The following RORA variants were observed in gnomAD, a reference collection of about 807,000 sequenced individuals.
The protein encoded by RORA is RAR related orphan receptor A.
In RORA, 7 loss-of-function variants were observed where a neutral mutation model predicts 69.5. The observed-to-expected ratio is 0.10, with a 90% CI of 0.06 to 0.19. RORA has a LOEUF of 0.19. Ranked by LOEUF, RORA falls within the 10% of genes least tolerant of loss-of-function variation. RORA has a pLI of 1.00. For synonymous variants in RORA, 261 were observed against 240.8 expected (o/e 1.08, Z -0.78); for missense variants, 457 against 663.0 (o/e 0.69, Z 3.41).
intron 1 of RORA, among the ~76,000 whole-genome samples, chr15:60,833,277 G>A (rs1212139503): frequency 6.6e-6 from 1 of 151,572 alleles, no homozygotes; most frequent in Non-Finnish European, 1.5e-5. Context: ...GTGCAGTGGT[G>A]CTATCTTCAC....
chr15:60,739,321 C>A (rs1252629649), intron 1 of RORA, among the ~76,000 whole-genome samples: 1 of 152,054 alleles, frequency 6.6e-6, no homozygotes, highest in Non-Finnish European at 1.5e-5. Context: ...ATCTGTAATC[C>A]CAGCACTTTG....
At chr15:61,150,774 T>G (rs759494674) in intron 1 of RORA, among the ~76,000 whole-genome samples, 1 of 152,168 alleles carries the variant, frequency 6.6e-6, no homozygotes, top group South Asian at 2.1e-4. Context: ...ACTATACTTT[T>G]CTCTTGTTCT....
chr15:60,654,729 G>A (rs758567022), intron 2 of RORA, among the ~76,000 whole-genome samples: 14 of 152,212 alleles, frequency 9.2e-5, no homozygotes, highest in Non-Finnish European at 1.5e-4. Context: ...AAACACAGAA[G>A]GTGATGTGAC....
chr15:61,025,117 C>T (rs1190131959), intron 1 of RORA, among the ~76,000 whole-genome samples: 1 of 152,138 alleles, frequency 6.6e-6, no homozygotes, highest in Non-Finnish European at 1.5e-5. Context: ...CCCATGCCTC[C>T]GTGACCCAAA....
chr15:61,040,290 G>A (rs974070938), intron 1 of RORA, among the ~76,000 whole-genome samples: 2 of 151,138 alleles, frequency 1.3e-5, no homozygotes, highest in Non-Finnish European at 3.0e-5. Flanking sequence ...CAAATGAGGT[G>A]AAAAAGCAAA....
At chr15:60,575,937 C>T (rs2068012303) in intron 2 of RORA, among the ~76,000 whole-genome samples, 1 of 152,202 alleles carries the variant, frequency 6.6e-6, no homozygotes, top group Non-Finnish European at 1.5e-5. Flanking sequence ...AGTTATTTCT[C>T]TCACCCTTTA....
At chr15:60,823,046 C>T (rs2072912568) in intron 1 of RORA, among the ~76,000 whole-genome samples, 1 of 144,346 alleles carries the variant, frequency 6.9e-6, no homozygotes, top group Non-Finnish European at 1.5e-5. Context: ...CCCTCTCTTT[C>T]TCTCTCCCTC....
chr15:60,531,598 T>C lies in RORA; in HGVS notation c.282+168A>G. Reference sequence around the variant, plus strand: ...TTGAAGGAAGGAGTAAAAATATATATAACTTCTTTAATTGTAATTTAACAC... The same window carrying C: ...TTGAAGGAAGGAGTAAAAATATATACAACTTCTTTAATTGTAATTTAACAC... On this transcript the variant is annotated intron_variant, in intron 3 of 10. Transcript: ENST00000335670. The surrounding 1 kb of genome is among the most constrained non-coding windows in gnomAD (Gnocchi z 4.8). 1.8e-6 allele frequency: 1 copy of C among 540,978 alleles called. No individual in the cohort carries two copies. Among genetic ancestry groups the C allele is most frequent in the Non-Finnish European group, 3.2e-6 (1 of 311,236 alleles). The allele number at this position is 540,978 out of a possible 1,614,324, so 33.5% of individuals were successfully genotyped here. A position where few individuals can be genotyped will look rare whatever the true frequency, so the allele number is the denominator to read the frequency against.
At chr15:60,820,162 C>T (rs1471740183) in intron 1 of RORA, among the ~76,000 whole-genome samples, 2 of 152,236 alleles carry the variant, frequency 1.3e-5, no homozygotes, top group East Asian at 1.9e-4. Context: ...CAAGTCAGGA[C>T]GCTGCACTCC....
chr15:60,546,417 GA>G (rs2067071860), intron 2 of RORA: 1 of 152,142 alleles, frequency 6.6e-6, no homozygotes, highest in South Asian at 2.1e-4. Context: ...ACTTCTCCGG[GA>G]ATGTTGTCAT....
intron 1 of RORA, among the ~76,000 whole-genome samples, chr15:60,923,213 T>C (rs924856141): frequency 2.6e-5 from 4 of 152,180 alleles, no homozygotes; most frequent in African/African-American, 9.7e-5. Flanking sequence ...CTTGTGCTGA[T>C]TCCTTAAAAA....
chr15:61,128,273 A>G lies in RORA; in HGVS notation c.166+100780T>C, dbSNP rs961573176. ...AGGGTATACTTTTAAAGCACTAGAA[A>G]AAAACAGCAAATTGACCGGAGAATT... On this transcript the variant is annotated intron_variant, in intron 1 of 10. Coordinates refer to ENST00000335670, the MANE Select transcript of RORA (RefSeq NM_134261.3). This position sits in a 1 kb window ranked among gnomAD's most constrained non-coding sequence, Gnocchi z 4.5. Among the ~76,000 whole-genome samples the G allele has an allele frequency of 6.6e-6, 1 of 152,126 alleles. No individual in the cohort carries two copies. The highest frequency in any genetic ancestry group is 1.5e-5 in the Non-Finnish European group (1 of 68,024).
At chr15:61,188,078 G>A (rs562804285) in intron 1 of RORA, among the ~76,000 whole-genome samples, 25 of 152,196 alleles carry the variant, frequency 1.6e-4, no homozygotes, top group African/African-American at 6.0e-4. Context: ...TTTAGCAGCT[G>A]GCATATTCCC....
At chr15:61,176,415 A>G (rs985023510) in intron 1 of RORA, 4 of 152,208 alleles carry the variant, frequency 2.6e-5, no homozygotes, top group African/African-American at 4.8e-5. Context: ...AGTAGTTTCC[A>G]TTTCCTGTAC....
chr15:61,087,859 G>A (rs2078647777), intron 1 of RORA, among the ~76,000 whole-genome samples: 1 of 152,224 alleles, frequency 6.6e-6, no homozygotes, highest in Non-Finnish European at 1.5e-5. Context: ...AAATGTTATA[G>A]TTCTTTAAAC....
intron 1 of RORA, among the ~76,000 whole-genome samples, chr15:60,869,587 C>G (rs141909494): frequency 6.6e-6 from 1 of 152,178 alleles, no homozygotes; most frequent in East Asian, 1.9e-4. Flanking sequence ...TCTGATGGCA[C>G]ACAATGTCCG....
At chr15:60,997,761 A>T (rs1220933210) in intron 1 of RORA, among the ~76,000 whole-genome samples, 2 of 152,208 alleles carry the variant, frequency 1.3e-5, no homozygotes, top group East Asian at 3.8e-4. Flanking sequence ...TTGTCACCAG[A>T]AACCCACATT....
chr15:60,947,444 G>A (rs1892927971), intron 1 of RORA, among the ~76,000 whole-genome samples: 1 of 151,964 alleles, frequency 6.6e-6, no homozygotes. Context: ...GGGTTAAATG[G>A]ATTAAGGGCG....
At chr15:60,680,310 C>T (rs2070623958) in intron 1 of RORA, among the ~76,000 whole-genome samples, 1 of 152,200 alleles carries the variant, frequency 6.6e-6, no homozygotes, top group African/African-American at 2.4e-5. Context: ...GGATTTAATA[C>T]AGCCCAAAAC....
Sources: gnomAD v4.1 joint callset for allele counts (sites outside exome capture counted in the v4.1 genomes callset) on GRCh38, gnomAD v4.1.1 for gene constraint, Gnocchi (gnomAD v3.1) non-coding constraint, MANE v1.5 for transcripts, NCBI Gene and HGNC (gene_info 2026-07-23, HGNC 2026-07-21) for gene names.